RCC1: variants seen among roughly 807,000 people sequenced by gnomAD.
RCC1 encodes regulator of chromosome condensation.
Under a neutral mutation model 44.4 loss-of-function variants are expected in RCC1, and 11 were observed. The observed-to-expected ratio is 0.25, with a 90% CI of 0.16 to 0.41. The LOEUF is 0.41. RCC1 is among the 10% of genes least tolerant of loss of function. The pLI is 1.00. For missense variants in RCC1, 386 were observed against 547.1 expected, an observed-to-expected ratio of 0.71 and a Z score of 2.94; for synonymous variants, 213 against 216.5, an observed-to-expected ratio of 0.98 and a Z score of 0.14.
At position 28,506,651 on chromosome 1, in the gene RCC1, A is replaced by G. The variant is rs116385865; in HGVS notation, c.-262+567A>G. The G allele has an allele frequency of 3.4e-3, 598 of 175,214 alleles. 3 individuals carry two copies. The highest frequency in any genetic ancestry group is 0.013 in the African/African-American group (545 of 41,648). The allele number at this position is 175,214 out of a possible 1,614,324, so 10.9% of individuals were successfully genotyped here. On this transcript the variant is annotated intron_variant, in intron 1 of 12. Coordinates refer to ENST00000683442, the MANE Select transcript of RCC1 (RefSeq NM_001381865.2). ...CCTCTGAAGGTGCACCGCCACCCCC[A>G]CTGTTTATCTTACTGCCTCATAGTA... is the stretch of plus-strand genomic sequence containing the variant.
intron 3 of RCC1, among the ~76,000 whole-genome samples, chr1:28,515,826 C>T (rs960184402): frequency 2.0e-5 from 3 of 152,134 alleles, no homozygotes; most frequent in Admixed American, 6.6e-5. Context: ...ATGGGCAGGT[C>T]ACCTGAGGTC....
intron 3 of RCC1, among the ~76,000 whole-genome samples, chr1:28,514,553 GGAGTACAA>G (rs1662770795): frequency 6.6e-6 from 1 of 151,056 alleles, no homozygotes; most frequent in African/African-American, 2.4e-5. Context: ...CCTGAGGTCG[GGAGTACAA>G]GACCAGCCTG....
Position 28,508,116 on chromosome 1 carries a change from C to T in RCC1, c.-261-12C>T, listed in dbSNP as rs569793516. 18 of 443,032 alleles carry T rather than the reference C, an allele frequency of 4.1e-5. No individual in the cohort carries two copies. The highest frequency in any genetic ancestry group is 2.8e-4 in the South Asian group (18 of 63,340). 27.4% of individuals were successfully genotyped at this position (443,032 alleles called of 1,614,324 possible). On this transcript the variant is annotated splice_polypyrimidine_tract_variant and intron_variant, in intron 1 of 12. Coordinates refer to ENST00000683442, the MANE Select transcript of RCC1 (RefSeq NM_001381865.2). Reference sequence around the variant, plus strand: ...TTTTGCTGTACTAATAGATTAATATCTTGTTTTGCAGGATTTGTTAAGGAT... The same window carrying T: ...TTTTGCTGTACTAATAGATTAATATTTTGTTTTGCAGGATTTGTTAAGGAT...
At chr1:28,528,804 T>C (rs1404724973) in intron 4 of RCC1, among the ~76,000 whole-genome samples, 1 of 118,896 alleles carries the variant, frequency 8.4e-6, no homozygotes, top group African/African-American at 4.9e-5. Context: ...GCATTTTTTT[T>C]CCAAAAAAAA....
At chr1:28,511,234 AT>A (rs1662515420) in intron 3 of RCC1, among the ~76,000 whole-genome samples, 1 of 152,138 alleles carries the variant, frequency 6.6e-6, no homozygotes, top group South Asian at 2.1e-4. Flanking sequence ...TGTTCACAAA[AT>A]AAGTGATAAA....
intron 1 of RCC1, chr1:28,506,294 C>A (rs142712867): frequency 2.3e-6 from 1 of 442,510 alleles, no homozygotes; most frequent in East Asian, 7.1e-5. Context: ...AAGCGATTCT[C>A]GTGCCTCAGC....
intron 4 of RCC1, chr1:28,526,444 T>C (rs1663670130): frequency 2.0e-6 from 1 of 504,224 alleles, no homozygotes; most frequent in South Asian, 2.3e-5. Context: ...GCGATGTTTA[T>C]GTGGCCCAAA....
chr1:28,538,242 T>G lies in RCC1; in HGVS notation c.*235T>G, dbSNP rs989222692. 32 of 443,762 alleles carry G rather than the reference T, an allele frequency of 7.2e-5. No individual in the cohort carries two copies. In the Admixed American group the frequency reaches 1.2e-3, roughly 16 times the overall value. The allele number at this position is 443,762 out of a possible 1,614,324, so 27.5% of individuals were successfully genotyped here. On this transcript the variant is annotated 3_prime_UTR_variant, in exon 13 of 13. Transcript: ENST00000683442. ...GGACAGGGGGTTTTCAAAAGGAACA[T>G]GGCTCACTCAGAGCTATATGGTTAG...
intron 1 of RCC1, chr1:28,507,927 T>C: frequency 1.7e-5 from 5 of 302,564 alleles, no homozygotes; most frequent in South Asian, 1.4e-4. Context: ...TTAATACATG[T>C]TTAAGAAAAA....
intron 9 of RCC1, 69 bp from the exon 10 acceptor site, chr1:28,535,802 T>C: frequency 1.9e-6 from 3 of 1,539,022 alleles, no homozygotes; most frequent in Non-Finnish European, 2.7e-6. Context: ...GGAGGAGAAT[T>C]AAACTCGGGG....
chr1:28,523,034 T>C (rs1178622623), intron 4 of RCC1, among the ~76,000 whole-genome samples: 10 of 138,864 alleles, frequency 7.2e-5, no homozygotes, highest in Non-Finnish European at 1.1e-4. Flanking sequence ...TTTCTTTTTT[T>C]TTTTTTTTTT....
At chr1:28,519,151 C>G (rs1663114861) in intron 4 of RCC1, among the ~76,000 whole-genome samples, 1 of 152,040 alleles carries the variant, frequency 6.6e-6, no homozygotes. Flanking sequence ...GTTTTTCAGG[C>G]AGTCTGAGGG....
chr1:28,533,998 C>G (rs1174783836), intron 7 of RCC1, among the ~76,000 whole-genome samples: 1 of 150,124 alleles, frequency 6.7e-6, no homozygotes, highest in Non-Finnish European at 1.5e-5. Context: ...CTTCCTCAGC[C>G]TCCCGAGTAG....
chr1:28,531,374 C>A (rs969831029), intron 5 of RCC1, among the ~76,000 whole-genome samples: 2 of 144,034 alleles, frequency 1.4e-5, no homozygotes, highest in African/African-American at 5.2e-5. Flanking sequence ...TCAAGTGATT[C>A]TCCTGCCTCA....
chr1:28,536,997 C>T lies in RCC1; in HGVS notation c.1090+98C>T, dbSNP rs377381125. On this transcript the variant is annotated intron_variant, in intron 12 of 12. Coordinates refer to ENST00000683442, the MANE Select transcript of RCC1 (RefSeq NM_001381865.2). The surrounding 1 kb of genome is among the most constrained non-coding windows in gnomAD (Gnocchi z 4.9). ...CTGTGATGTCCACTCTCGGGGGAGC[C>T]GAGGTACAGAGAGCAGTGTTTGTGA... 105 of 1,363,988 alleles carry T rather than the reference C, an allele frequency of 7.7e-5. 1 individual carries two copies. The highest frequency in any genetic ancestry group is 5.3e-4 in the East Asian group (23 of 43,270). The allele number at this position is 1,363,988 out of a possible 1,614,324, so 84.5% of individuals were successfully genotyped here.
At chr1:28,529,156 T>A (rs556688686) in intron 4 of RCC1, among the ~76,000 whole-genome samples, 14 of 148,292 alleles carry the variant, frequency 9.4e-5, no homozygotes, top group African/African-American at 3.2e-4. Context: ...GTACTGGGAT[T>A]ACAGGCGTGA....
chr1:28,518,563 C>T (rs1257994126), intron 4 of RCC1: 1 of 149,108 alleles, frequency 6.7e-6, no homozygotes, highest in African/African-American at 2.4e-5. Context: ...CCCTCCGCCG[C>T]CGCGCCTCTC....
chr1:28,530,690 G>C (rs1664090611), intron 5 of RCC1: 10 of 1,307,686 alleles, frequency 7.6e-6, no homozygotes, highest in Non-Finnish European at 1.0e-5. Flanking sequence ...TCGGGGGAGG[G>C]GCTGGGCGCC....
intron 7 of RCC1, among the ~76,000 whole-genome samples, chr1:28,533,033 C>T (rs1039329682): frequency 5.9e-5 from 9 of 152,112 alleles, no homozygotes; most frequent in South Asian, 2.1e-4. Context: ...AGGCTGGTCT[C>T]GAACTCCCGA....
Sources: allele counts gnomAD v4.1 joint callset (sites outside exome capture counted in the v4.1 genomes callset), GRCh38; gene constraint gnomAD v4.1.1; non-coding constraint Gnocchi (gnomAD v3.1); transcripts MANE v1.5; gene names NCBI Gene and HGNC (gene_info 2026-07-23, HGNC 2026-07-21).